Variants in FAF1 observed in about 807,000 individuals in gnomAD.
FAF1 encodes Fas associated factor 1.
In FAF1, 25 loss-of-function variants were observed where a neutral mutation model predicts 92.5. The ratio of observed to expected loss-of-function variants is 0.27; its 90% CI spans 0.20 to 0.38. The LOEUF (loss-of-function observed/expected upper bound fraction) is 0.38. FAF1 is among the 10% of genes least tolerant of loss of function. The pLI is 1.00. For missense variants in FAF1, 636 were observed against 793.3 expected (o/e 0.80, Z 2.38); for synonymous variants, 234 against 273.2 (o/e 0.86, Z 1.42).
At position 50,948,596 on chromosome 1, in the gene FAF1, G is replaced by A. The variant is rs186077594; in HGVS notation, c.45+11171C>T. ...CGCCCAGGCTGGAGTGCAGTGACGC[G>A]ATTTCAGCTCACTGCAACCTCTGCC... On this transcript the variant is annotated intron_variant, in intron 1 of 18. Coordinates refer to ENST00000396153, the MANE Select transcript of FAF1 (RefSeq NM_007051.3). 4.3e-3 allele frequency among the ~76,000 whole-genome samples: 639 copies of A among 149,910 alleles called. 2 individuals are homozygous for A. The highest frequency in any genetic ancestry group is 5.8e-3 in the Non-Finnish European group (391 of 67,648).
intron 15 of FAF1, among the ~76,000 whole-genome samples, chr1:50,526,913 G>A (rs1358905092): frequency 6.6e-6 from 1 of 151,108 alleles, no homozygotes; most frequent in African/African-American, 2.4e-5. Flanking sequence ...GGAGTGTAGT[G>A]GCGTGATCTC....
At chr1:50,909,824 C>T (rs1205713454) in intron 1 of FAF1, among the ~76,000 whole-genome samples, 1 of 152,290 alleles carries the variant, frequency 6.6e-6, no homozygotes, top group East Asian at 1.9e-4. Context: ...GTTTGAAGAT[C>T]CCCCTTTAGC....
In FAF1 at chr1:50,869,202, A is replaced by G. The variant is rs553282472; in HGVS notation, c.46-11205T>C. Among the ~76,000 whole-genome samples the G allele has an allele frequency of 3.9e-5, 6 of 152,300 alleles. No individual in the cohort carries two copies. The East Asian group carries it at 1.2e-3, about 29-fold the overall frequency. Reference sequence around the variant, plus strand: ...TAATATTGTCATCTAGCTTTTCAATAATAGTTTCATAGTATATAATTTTCC... The same window carrying G: ...TAATATTGTCATCTAGCTTTTCAATGATAGTTTCATAGTATATAATTTTCC... On this transcript the variant is annotated intron_variant, in intron 1 of 18. Coordinates refer to ENST00000396153, the MANE Select transcript of FAF1 (RefSeq NM_007051.3).
chr1:50,827,268 A>G (rs1201910993), intron 2 of FAF1, among the ~76,000 whole-genome samples: 1 of 152,234 alleles, frequency 6.6e-6, no homozygotes, highest in East Asian at 1.9e-4. Flanking sequence ...AGGAGACTCC[A>G]TTTTGTTCTG....
At chr1:50,717,995 A>C (rs1369581524) in intron 6 of FAF1, among the ~76,000 whole-genome samples, 1 of 131,278 alleles carries the variant, frequency 7.6e-6, no homozygotes, top group Non-Finnish European at 1.6e-5. Flanking sequence ...TCCTTTATTT[A>C]TTTATTTATT....
Position 50,664,796 on chromosome 1 carries a change from A to G in FAF1, c.658-9268T>C, listed in dbSNP as rs963094885. 1.0e-4 allele frequency among the ~76,000 whole-genome samples: 12 copies of G among 116,112 alleles called. No individual in the cohort carries two copies. The South Asian group carries it at 1.4e-3, about 14-fold the overall frequency. 76.2% of individuals were successfully genotyped at this position (116,112 alleles called of 152,430 possible). A position where few individuals can be genotyped will look rare whatever the true frequency, so the allele number is the denominator to read the frequency against. ...GCGACAGAGCGAGACTCCGTCTCAAATAAACAAACAAACAAACAAACAAAC... is the reference window on the plus strand; with the variant it reads ...GCGACAGAGCGAGACTCCGTCTCAAGTAAACAAACAAACAAACAAACAAAC... On this transcript the variant is annotated intron_variant, in intron 7 of 18. Coordinates refer to ENST00000396153, the MANE Select transcript of FAF1 (RefSeq NM_007051.3).
intron 4 of FAF1, among the ~76,000 whole-genome samples, chr1:50,781,427 A>G (rs767894810): frequency 5.9e-5 from 9 of 152,366 alleles, no homozygotes; most frequent in Non-Finnish European, 1.2e-4. Flanking sequence ...GACATTATAT[A>G]ATGATAAAAT....
At chr1:50,537,698 T>C (rs1333893240) in intron 14 of FAF1, among the ~76,000 whole-genome samples, 2 of 152,182 alleles carry the variant, frequency 1.3e-5, no homozygotes, top group Non-Finnish European at 2.9e-5. Context: ...TGTAACATTT[T>C]TGCAAATCTC....
chr1:50,443,854 T>A (rs1414097712), intron 18 of FAF1, among the ~76,000 whole-genome samples: 2 of 152,156 alleles, frequency 1.3e-5, no homozygotes, highest in African/African-American at 4.8e-5. Flanking sequence ...CCTGGAACCC[T>A]GATCTATACC....
intron 1 of FAF1, among the ~76,000 whole-genome samples, chr1:50,889,707 T>C (rs1056188940): frequency 6.6e-6 from 1 of 152,268 alleles, no homozygotes; most frequent in South Asian, 2.1e-4. Context: ...ATTTCTAGTT[T>C]GATTGCACTG....
At chr1:50,717,887 T>C (rs975039812) in intron 6 of FAF1, among the ~76,000 whole-genome samples, 1 of 152,102 alleles carries the variant, frequency 6.6e-6, no homozygotes, top group Admixed American at 6.5e-5. Context: ...GAATTATAAC[T>C]CCATAAAAAC....
At chr1:50,875,812 AC>A (rs983923501) in intron 1 of FAF1, among the ~76,000 whole-genome samples, 1 of 151,820 alleles carries the variant, frequency 6.6e-6, no homozygotes, top group Non-Finnish European at 1.5e-5. Context: ...TCATGAACTT[AC>A]CCCCCTAACT....
chr1:50,618,311 C>T (rs1389898224), intron 8 of FAF1, among the ~76,000 whole-genome samples: 2 of 151,874 alleles, frequency 1.3e-5, no homozygotes, highest in African/African-American at 4.8e-5. Flanking sequence ...ACTGCTTTAG[C>T]TGCATCCCAG....
intron 4 of FAF1, among the ~76,000 whole-genome samples, chr1:50,757,984 C>T (rs1355099630): frequency 1.3e-5 from 2 of 152,136 alleles, no homozygotes; most frequent in Admixed American, 6.5e-5. Flanking sequence ...GTGGCATGAG[C>T]TCAGCTCACT....
intron 18 of FAF1, among the ~76,000 whole-genome samples, chr1:50,466,808 G>GCCC (rs940223830): frequency 2.6e-5 from 4 of 152,060 alleles, no homozygotes; most frequent in South Asian, 2.1e-4. Flanking sequence ...ATTAGACAAA[G>GCCC]CCCCCTCATT....
intron 1 of FAF1, among the ~76,000 whole-genome samples, chr1:50,880,983 A>G (rs1250045224): frequency 6.6e-6 from 1 of 152,068 alleles, no homozygotes; most frequent in Non-Finnish European, 1.5e-5. Flanking sequence ...TTACCTGGAT[A>G]TATATATATT....
intron 1 of FAF1, among the ~76,000 whole-genome samples, chr1:50,922,458 CAAAAAAAA>C (rs33971185): frequency 8.0e-5 from 3 of 37,270 alleles, no homozygotes; most frequent in African/African-American, 2.5e-4. Flanking sequence ...GACTCTGCCT[CAAAAAAAA>C]AAAAAAAAAA....
chr1:50,869,931 A>G (rs1466756543), intron 1 of FAF1, among the ~76,000 whole-genome samples: 1 of 152,182 alleles, frequency 6.6e-6, no homozygotes, highest in African/African-American at 2.4e-5. Context: ...CCTGTGGTAT[A>G]TAACGTCTAA....
At chr1:50,521,347 G>C (rs544281448) in intron 15 of FAF1, among the ~76,000 whole-genome samples, 2 of 152,130 alleles carry the variant, frequency 1.3e-5, no homozygotes, top group South Asian at 4.1e-4. Context: ...TGAGGAATAT[G>C]ACTGTCTCCA....
Sources: allele counts gnomAD v4.1 joint callset (sites outside exome capture counted in the v4.1 genomes callset), GRCh38; gene constraint gnomAD v4.1.1; transcripts MANE v1.5; gene names NCBI Gene and HGNC (gene_info 2026-07-23, HGNC 2026-07-21).